The following CHFR variants were observed in gnomAD, a reference collection of about 807,000 sequenced individuals.
The protein encoded by CHFR is E3 ubiquitin-protein ligase CHFR.
A neutral mutation model predicts 87.6 loss-of-function variants in CHFR; 57 were observed. The ratio of observed to expected loss-of-function variants is 0.65; its 90% CI spans 0.53 to 0.81. The LOEUF (loss-of-function observed/expected upper bound fraction) is 0.81. CHFR is among the 30% of genes least tolerant of loss of function. The pLI is 0.00. For missense variants in CHFR, 797 were observed against 865.8 expected (o/e 0.92, Z 1.00); for synonymous variants, 381 against 359.2 (o/e 1.06, Z -0.69).
In CHFR at chr12:132,841,262, CCT is replaced by C. The variant is rs1423726431; in HGVS notation, c.*290_*291del. ...AAATGTACAAAAGAGCAAAACTGCC[CCT>C]CTCGGCGGGACGGCCGCATGTTACA... is the stretch of plus-strand genomic sequence containing the variant. On this transcript the variant is annotated 3_prime_UTR_variant, in exon 18 of 18. Coordinates refer to ENST00000450056, the MANE Select transcript of CHFR (RefSeq NM_001161346.2). The C allele has an allele frequency of 1.2e-5, 4 of 343,820 alleles. No homozygotes were observed. The highest frequency in any genetic ancestry group is 4.9e-5 in the East Asian group (1 of 20,306). 21.3% of individuals were successfully genotyped at this position (343,820 alleles called of 1,614,324 possible). A position where few individuals can be genotyped will look rare whatever the true frequency, so the allele number is the denominator to read the frequency against.
intron 6 of CHFR, chr12:132,866,378 G>T (rs893480713): frequency 6.6e-6 from 1 of 150,608 alleles, no homozygotes; most frequent in Non-Finnish European, 1.5e-5. Context: ...CCAACACACC[G>T]GAATGTTGGA....
chr12:132,866,876 C>T (rs1242511263), intron 6 of CHFR: 1 of 152,152 alleles, frequency 6.6e-6, no homozygotes, highest in Admixed American at 6.5e-5. Context: ...ACTAAAAATA[C>T]AAAAATTTTC....
chr12:132,862,680 C>G (rs11609361), intron 6 of CHFR, among the ~76,000 whole-genome samples: 14,466 of 151,738 alleles, frequency 0.095, 934 homozygotes, highest in South Asian at 0.2. Context: ...CCTGGGTTGA[C>G]GCCATTCTCC....
rs756709185 is a variant in CHFR, at chr12:132,861,432, G to A, written c.751+35C>T. On this transcript the variant is annotated intron_variant, in intron 7 of 17. Transcript: ENST00000450056. ...GCCCCCGCATGCCCCAGGAGCACAC[G>A]AGAGGACTGAGGACACACACAACCA... 72 of 1,605,784 alleles carry A rather than the reference G, an allele frequency of 4.5e-5. No individual in the cohort carries two copies. The East Asian group carries it at 1.0e-3, about 23-fold the overall frequency.
rs752932212 is a variant in CHFR, at chr12:132,887,300, G to A, written c.29C>T (p.Ser10Leu). 3.4e-5 allele frequency: 50 copies of A among 1,482,712 alleles called. No homozygotes were observed. In the Middle Eastern group the frequency reaches 7.2e-4, roughly 21 times the overall value. 91.8% of individuals were successfully genotyped at this position (1,482,712 alleles called of 1,614,324 possible). MERPEEGKQ[S>L]PPPQPWGRLL... is the part of the protein sequence containing the mutation. ...CCGTCCCCAGGGCTGCGGCGGCGGCGACTGCTTGCCTTCCTCGGGCCGCTC... is the reference window on the plus strand; with the variant it reads ...CCGTCCCCAGGGCTGCGGCGGCGGCAACTGCTTGCCTTCCTCGGGCCGCTC... The change falls in exon 2 of 18, where the codon TCG becomes TTG. Residue 10 changes from serine to leucine, a missense_variant. Coordinates refer to ENST00000450056, the MANE Select transcript of CHFR (RefSeq NM_001161346.2).
rs1343452358 is a variant in CHFR, at chr12:132,887,416, G to A, written c.-12-76C>T. On this transcript the variant is annotated intron_variant, in intron 1 of 17. Coordinates refer to ENST00000450056, the MANE Select transcript of CHFR (RefSeq NM_001161346.2). ...GACTCGGCGCCCGCCCCACCCCGCG[G>A]GCCCCGGCCCGGCCGCCCGCGCCCA... The A allele has an allele frequency of 1.8e-5, 21 of 1,136,704 alleles. No individual in the cohort carries two copies. The African/African-American group carries it at 3.4e-4, about 19-fold the overall frequency. The allele number at this position is 1,136,704 out of a possible 1,614,324, so 70.4% of individuals were successfully genotyped here. A position where few individuals can be genotyped will look rare whatever the true frequency, so the allele number is the denominator to read the frequency against.
At chr12:132,846,516 C>T (rs532182592) in intron 15 of CHFR, among the ~76,000 whole-genome samples, 59 of 151,498 alleles carry the variant, frequency 3.9e-4, no homozygotes, top group African/African-American at 1.3e-3. Context: ...ATGATCCGCC[C>T]GCCTCAGCCT....
At chr12:132,866,313 C>T (rs1457157859) in intron 6 of CHFR, 3 of 152,120 alleles carry the variant, frequency 2.0e-5, no homozygotes, top group African/African-American at 7.2e-5. Flanking sequence ...AATGTTAACA[C>T]ACCGGAATGT....
chr12:132,838,011 C>G lies in CHFR; in HGVS notation c.*3543G>C, dbSNP rs1278623006. ...GGCCCTGGCAGTGACTCTGGGGCCT[C>G]TTCAGGGAGCCGGCTGCAGCTGCCT... On this transcript the variant is annotated 3_prime_UTR_variant, in exon 18 of 18. Coordinates refer to ENST00000450056, the MANE Select transcript of CHFR (RefSeq NM_001161346.2). The G allele has an allele frequency of 1.3e-5, 2 of 152,320 alleles. No individual in the cohort carries two copies. Among genetic ancestry groups the G allele is most frequent in the Non-Finnish European group, 2.9e-5 (2 of 68,118 alleles). 9.4% of individuals were successfully genotyped at this position (152,320 alleles called of 1,614,324 possible).
At chr12:132,853,718 G>T in intron 10 of CHFR, 145 bp from the exon 11 acceptor site, 3 of 927,788 alleles carry the variant, frequency 3.2e-6, no homozygotes, top group Non-Finnish European at 4.6e-6. Context: ...CCCCATTCCT[G>T]TCCAGCACCC....
rs1198698360 is a variant in CHFR, at chr12:132,840,071, CCT to C, written c.*1481_*1482del. The C allele has an allele frequency of 6.3e-6, 1 of 158,324 alleles. No homozygotes were observed. Among genetic ancestry groups the C allele is most frequent in the African/African-American group, 2.4e-5 (1 of 41,510 alleles). The allele number at this position is 158,324 out of a possible 1,614,324, so 9.8% of individuals were successfully genotyped here. A position where few individuals can be genotyped will look rare whatever the true frequency, so the allele number is the denominator to read the frequency against. On this transcript the variant is annotated 3_prime_UTR_variant, in exon 18 of 18. Coordinates refer to ENST00000450056, the MANE Select transcript of CHFR (RefSeq NM_001161346.2). ...ACCCCTGCACTAACACGGGACCTCC[CCT>C]CTCAGCCCCACCCTTGCACAAACTC...
chr12:132,866,653 CGGAATGTTACAACACACCAGAATGTTACA>C, intron 6 of CHFR: 1 of 151,824 alleles, frequency 6.6e-6, no homozygotes, highest in Admixed American at 6.6e-5. Flanking sequence ...TACAACACAC[CGGAATGTTACAACACACCAGAATGTTACA>C]GGAATGTTAC....
At chr12:132,880,299 C>T (rs1360756685) in intron 2 of CHFR, among the ~76,000 whole-genome samples, 6 of 151,990 alleles carry the variant, frequency 3.9e-5, no homozygotes, top group Admixed American at 6.6e-5. Context: ...GCATGGACTT[C>T]GCAGATAGGA....
At chr12:132,857,318 TGCTGGGTG>T (rs1951102913) in intron 9 of CHFR, 79 bp downstream of exon 9, 1 of 1,413,208 alleles carries the variant, frequency 7.1e-7, no homozygotes, top group African/African-American at 1.6e-5. Flanking sequence ...GCCCGGGTGC[TGCTGGGTG>T]GATGCCCTCA....
rs1483962228 is a variant in CHFR at position 132,834,492 on chromosome 12, G to C, written c.*7062C>G. 6.6e-6 allele frequency: 1 copy of C among 152,230 alleles called. No homozygotes were observed. The highest frequency in any genetic ancestry group is 1.9e-4 in the East Asian group (1 of 5,188). The allele number at this position is 152,230 out of a possible 1,614,324, so 9.4% of individuals were successfully genotyped here. On this transcript the variant is annotated 3_prime_UTR_variant, in exon 18 of 18. Transcript: ENST00000450056. ...ACCACCAACTTTGCTGCTTAAACTA[G>C]ATTTATTCTCTTGCAGTTCTGGAGC...
chr12:132,848,864 A>C (rs887894990), intron 12 of CHFR, 140 bp from the exon 13 acceptor site: 2 of 622,526 alleles, frequency 3.2e-6, no homozygotes, highest in Admixed American at 5.6e-5. Context: ...GGGCGGGGCC[A>C]CATCCAGCTA....
rs35011845 is a variant in CHFR, at chr12:132,859,130, T to G, written c.849A>C (p.Pro283=). ...ATGTCAGCGTCTCCTCCATCTTGTC[T>G]GGCTTCCCAGCCGCTGCTCTGACGT... ...HEDVRAAAGK[P]DKMEETLTCI... is the part of the protein sequence containing the mutation. Residue 283 remains proline, a synonymous_variant, in exon 8 of 18, where the codon CCA becomes CCC. Transcript: ENST00000450056. 436,254 of 1,613,584 alleles carry G rather than the reference T, an allele frequency of 0.27. 63,855 individuals carry two copies. Among genetic ancestry groups the G allele is most frequent in the Non-Finnish European group, 0.31 (363,398 of 1,179,658 alleles).
intron 3 of CHFR, 51 bp downstream of exon 3, chr12:132,877,504 G>C (rs1162902383): frequency 1.1e-5 from 14 of 1,291,448 alleles, no homozygotes; most frequent in Admixed American, 1.9e-5. Flanking sequence ...ACGAAGTCAG[G>C]CTTCTTAAGC....
intron 10 of CHFR, among the ~76,000 whole-genome samples, chr12:132,855,619 A>T (rs1186300098): frequency 6.6e-6 from 1 of 151,670 alleles, no homozygotes; most frequent in East Asian, 1.9e-4. Flanking sequence ...GTGAGCTGAG[A>T]TCGTGTCACT....
Sources: gnomAD v4.1 joint callset for allele counts (sites outside exome capture counted in the v4.1 genomes callset) on GRCh38, gnomAD v4.1.1 for gene constraint, MANE v1.5 for transcripts, NCBI Gene and HGNC (gene_info 2026-07-23, HGNC 2026-07-21) for gene names.